The following ANO10 variants were observed in gnomAD, a reference collection of about 807,000 sequenced individuals.
ANO10 encodes anoctamin-10.
ANO10 carries 77 observed loss-of-function variants against 74.7 expected under a neutral mutation model. The ratio of observed to expected loss-of-function variants is 1.03; its 90% confidence interval spans 0.86 to 1.25. The LOEUF (loss-of-function observed/expected upper bound fraction) is 1.25, where lower values mean the gene tolerates loss of function less well. Among genes scored for constraint, ANO10 ranks in the 50% most tolerant of loss-of-function variants. The pLI, the probability that ANO10 is intolerant of heterozygous loss-of-function variation, is 0.00. For synonymous variants in ANO10, 279 were observed against 284.9 expected (o/e 0.98, Z 0.21); for missense variants, 721 against 778.1 (o/e 0.93, Z 0.87).
At chr3:43,690,973 G>A (rs1364247609) in intron 1 of ANO10, 5 of 1,570,246 alleles carry the variant, frequency 3.2e-6, no homozygotes, top group Non-Finnish European at 4.3e-6. Flanking sequence ...ATAAGTCCCG[G>A]CGCTTGCGCG....
At chr3:43,621,193 A>G (rs2083374731) in intron 1 of ANO10, among the ~76,000 whole-genome samples, 1 of 152,170 alleles carries the variant, frequency 6.6e-6, no homozygotes, top group African/African-American at 2.4e-5. Context: ...GTTTTACAGA[A>G]GGCAGCGCAC....
intron 12 of ANO10, among the ~76,000 whole-genome samples, chr3:43,422,028 G>T (rs1336142784): frequency 6.6e-6 from 1 of 152,114 alleles, no homozygotes; most frequent in Non-Finnish European, 1.5e-5. Context: ...CCCATATGTT[G>T]ACCATCATGG....
intron 11 of ANO10, among the ~76,000 whole-genome samples, chr3:43,463,445 A>G (rs2075476097): frequency 6.6e-6 from 1 of 152,234 alleles, no homozygotes; most frequent in African/African-American, 2.4e-5. Context: ...AGGTGCCACA[A>G]AAGTGTACTT....
chr3:43,461,258 T>TA (rs894574776), intron 11 of ANO10, among the ~76,000 whole-genome samples: 2 of 152,116 alleles, frequency 1.3e-5, no homozygotes, highest in African/African-American at 4.8e-5. Flanking sequence ...ACCTGTAAGT[T>TA]AAAAAACTTA....
At chr3:43,531,462 T>G (rs1182928291) in intron 11 of ANO10, among the ~76,000 whole-genome samples, 1 of 152,228 alleles carries the variant, frequency 6.6e-6, no homozygotes, top group Non-Finnish European at 1.5e-5. Flanking sequence ...AGTCTTTTCT[T>G]GCATCAACAT....
intron 11 of ANO10, among the ~76,000 whole-genome samples, chr3:43,492,045 C>T (rs1257803304): frequency 3.3e-5 from 5 of 151,994 alleles, no homozygotes; most frequent in African/African-American, 4.8e-5. Flanking sequence ...TAGATAAAAC[C>T]ACAAAGATGG....
chr3:43,478,368 T>TC (rs2076151283), intron 11 of ANO10, among the ~76,000 whole-genome samples: 1 of 152,184 alleles, frequency 6.6e-6, no homozygotes, highest in Admixed American at 6.5e-5. Context: ...AAAAGCCCAA[T>TC]CCTAACAAAC....
chr3:43,407,188 G>T (rs889353453), intron 12 of ANO10, among the ~76,000 whole-genome samples: 2 of 152,176 alleles, frequency 1.3e-5, no homozygotes, highest in African/African-American at 4.8e-5. Flanking sequence ...ACATGCGTGA[G>T]CCACCATGCA....
intron 1 of ANO10, among the ~76,000 whole-genome samples, chr3:43,666,192 A>G (rs1023370975): frequency 2.6e-5 from 4 of 152,158 alleles, no homozygotes; most frequent in Admixed American, 2.0e-4. Flanking sequence ...GAATAATTCA[A>G]AAGAAGTACT....
chr3:43,584,949 A>G (rs538796284), intron 4 of ANO10, among the ~76,000 whole-genome samples: 1 of 152,244 alleles, frequency 6.6e-6, no homozygotes, highest in East Asian at 1.9e-4. Flanking sequence ...ATTAGCCTCA[A>G]AGAGACTGCC....
intron 11 of ANO10, among the ~76,000 whole-genome samples, chr3:43,532,717 A>G (rs1434114938): frequency 6.6e-6 from 1 of 152,228 alleles, no homozygotes; most frequent in African/African-American, 2.4e-5. Flanking sequence ...AGTTAGATGA[A>G]GCAAAATTAA....
intron 11 of ANO10, among the ~76,000 whole-genome samples, chr3:43,481,141 G>A (rs758222892): frequency 3.9e-5 from 6 of 152,000 alleles, no homozygotes; most frequent in Non-Finnish European, 7.4e-5. Flanking sequence ...TAGAAATATA[G>A]AGGTAAACAG....
intron 1 of ANO10, among the ~76,000 whole-genome samples, chr3:43,685,290 G>A (rs908078709): frequency 1.3e-5 from 2 of 151,908 alleles, no homozygotes; most frequent in Non-Finnish European, 2.9e-5. Context: ...TTAATCCCAA[G>A]GAACCAACTT....
chr3:43,455,576 G>T (rs2075088399), intron 11 of ANO10, among the ~76,000 whole-genome samples: 1 of 152,118 alleles, frequency 6.6e-6, no homozygotes, highest in Admixed American at 6.5e-5. Context: ...TAGTTAGCAG[G>T]ATAGGAGGGC....
At chr3:43,485,185 C>G in intron 11 of ANO10, 2 of 708,176 alleles carry the variant, frequency 2.8e-6, no homozygotes, top group South Asian at 3.1e-5. Context: ...ACAGCGCCTG[C>G]GGTGGTCAGG....
At chr3:43,602,645 C>T (rs1354901593) in intron 2 of ANO10, among the ~76,000 whole-genome samples, 1 of 152,174 alleles carries the variant, frequency 6.6e-6, no homozygotes, top group East Asian at 1.9e-4. Flanking sequence ...CTGGTATAAC[C>T]TTTATGAAGA....
At chr3:43,492,782 A>G (rs957448464) in intron 11 of ANO10, among the ~76,000 whole-genome samples, 2 of 152,204 alleles carry the variant, frequency 1.3e-5, no homozygotes, top group African/African-American at 2.4e-5. Context: ...AAAAGTCATG[A>G]AACAACAGAT....
At chr3:43,653,072 A>T (rs1443401358) in intron 1 of ANO10, 1 of 152,022 alleles carries the variant, frequency 6.6e-6, no homozygotes, top group African/African-American at 2.4e-5. Flanking sequence ...TTAGCTGAGC[A>T]TGGTGGCACA....
At chr3:43,442,953 G>A (rs2093182650) in intron 11 of ANO10, among the ~76,000 whole-genome samples, 1 of 152,198 alleles carries the variant, frequency 6.6e-6, no homozygotes. Context: ...AGATGAGAAA[G>A]CATCACAAAA....
Sources: allele counts gnomAD v4.1 joint callset (sites outside exome capture counted in the v4.1 genomes callset), GRCh38; gene constraint gnomAD v4.1.1; transcripts MANE v1.5; gene names NCBI Gene and HGNC (gene_info 2026-07-23, HGNC 2026-07-21).